Variants in CNBD1 observed in about 807,000 individuals in gnomAD.
The protein encoded by CNBD1 is cyclic nucleotide-binding domain-containing protein 1.
CNBD1 carries 71 observed loss-of-function variants against 54.4 expected under a neutral mutation model. That is an observed-to-expected ratio of 1.30 (90% CI 1.08 to 1.59). The LOEUF is 1.59. Among genes scored for constraint, CNBD1 ranks in the 40% most tolerant of loss-of-function variants. The pLI is 0.00. For synonymous variants in CNBD1, 182 were observed against 170.7 expected (o/e 1.07, Z -0.51); for missense variants, 659 against 518.0 (o/e 1.27, Z -2.64).
chr8:87,253,071 A>C (rs1027268763), intron 6 of CNBD1, among the ~76,000 whole-genome samples: 3 of 152,178 alleles, frequency 2.0e-5, no homozygotes, highest in East Asian at 1.9e-4. Context: ...GAAGAGAAAG[A>C]AAGCAGAGGT....
intron 4 of CNBD1, among the ~76,000 whole-genome samples, chr8:87,205,479 T>C (rs1046016371): frequency 1.3e-5 from 2 of 152,202 alleles, no homozygotes; most frequent in African/African-American, 4.8e-5. Flanking sequence ...CCATGTATTA[T>C]ATGATAATCA....
chr8:87,313,703 TAGAAA>T (rs1485577132), intron 8 of CNBD1, among the ~76,000 whole-genome samples: 1 of 151,712 alleles, frequency 6.6e-6, no homozygotes, highest in Non-Finnish European at 1.5e-5. Flanking sequence ...CTTTACTAGA[TAGAAA>T]AGAAAAAGAA....
chr8:87,327,904 A>T (rs772023082), intron 8 of CNBD1, among the ~76,000 whole-genome samples: 10 of 150,504 alleles, frequency 6.6e-5, no homozygotes, highest in Non-Finnish European at 1.3e-4. Context: ...TTTTGAGTTG[A>T]TTTTTGTGTA....
intron 4 of CNBD1, among the ~76,000 whole-genome samples, chr8:87,010,191 C>G (rs946841493): frequency 6.6e-6 from 1 of 152,128 alleles, no homozygotes; most frequent in Non-Finnish European, 1.5e-5. Flanking sequence ...ATAGGCTTCT[C>G]AAATATTCTT....
chr8:87,378,712 G>C (rs1811004393), intron 10 of CNBD1, among the ~76,000 whole-genome samples: 1 of 151,116 alleles, frequency 6.6e-6, no homozygotes, highest in African/African-American at 2.5e-5. Context: ...TAGCTTGATG[G>C]AGATGGCATT....
chr8:86,959,656 G>A (rs900486749), intron 4 of CNBD1, among the ~76,000 whole-genome samples: 1 of 152,072 alleles, frequency 6.6e-6, no homozygotes, highest in South Asian at 2.1e-4. Context: ...ACTAAAGCTT[G>A]TGCATGCATC....
At chr8:86,980,128 A>G (rs1239487944) in intron 4 of CNBD1, among the ~76,000 whole-genome samples, 1 of 152,222 alleles carries the variant, frequency 6.6e-6, no homozygotes, top group East Asian at 1.9e-4. Flanking sequence ...AGGATTCATA[A>G]CATTTGGAAA....
chr8:87,033,933 T>A (rs1809851299), intron 4 of CNBD1, among the ~76,000 whole-genome samples: 1 of 152,184 alleles, frequency 6.6e-6, no homozygotes, highest in Admixed American at 6.5e-5. Context: ...ATGACTTAGC[T>A]TTTTCTTGAA....
rs573556514 is a variant in CNBD1 at position 87,327,623 on chromosome 8, C to T, written c.1043-24062C>T. On this transcript the variant is annotated intron_variant, in intron 8 of 10. Transcript: ENST00000518476. ...AGAAAGGGAACTCCCTGACCCCTTGCGCTTCCCAGGTGAGGCAGTGCCTCG... is the reference window on the plus strand; with the variant it reads ...AGAAAGGGAACTCCCTGACCCCTTGTGCTTCCCAGGTGAGGCAGTGCCTCG... Among the ~76,000 whole-genome samples the T allele has an allele frequency of 2.8e-3, 428 of 152,314 alleles. 3 individuals are homozygous for T. Among genetic ancestry groups the T allele is most frequent in the African/African-American group, 9.0e-3 (373 of 41,578 alleles).
chr8:86,912,035 T>C (rs986739929), intron 3 of CNBD1, among the ~76,000 whole-genome samples: 1 of 152,092 alleles, frequency 6.6e-6, no homozygotes, highest in African/African-American at 2.4e-5. Flanking sequence ...AAAATGTCAG[T>C]ATTACGCAAA....
chr8:87,124,756 C>A (rs1000218083), intron 4 of CNBD1, among the ~76,000 whole-genome samples: 1 of 151,660 alleles, frequency 6.6e-6, no homozygotes, highest in African/African-American at 2.4e-5. Context: ...TAAGGATGCC[C>A]ACTCTCACCA....
chr8:87,379,556 A>C (rs1208649552), intron 10 of CNBD1, among the ~76,000 whole-genome samples: 1 of 152,022 alleles, frequency 6.6e-6, no homozygotes, highest in Non-Finnish European at 1.5e-5. Context: ...TTTAAAAAAA[A>C]TCCATGAGAA....
chr8:87,283,994 A>G (rs940461672), intron 6 of CNBD1, among the ~76,000 whole-genome samples: 7 of 152,140 alleles, frequency 4.6e-5, no homozygotes, highest in Non-Finnish European at 8.8e-5. Flanking sequence ...TGAAGTAGAA[A>G]AATGGAAGTT....
chr8:87,268,618 T>G (rs969102265), intron 6 of CNBD1, among the ~76,000 whole-genome samples: 2 of 152,146 alleles, frequency 1.3e-5, no homozygotes, highest in Non-Finnish European at 2.9e-5. Flanking sequence ...TTTTTAATAA[T>G]AGCCATTTTG....
chr8:86,899,662 G>A (rs113922434), intron 2 of CNBD1, among the ~76,000 whole-genome samples: 37 of 152,196 alleles, frequency 2.4e-4, no homozygotes, highest in African/African-American at 7.9e-4. Context: ...ATATAAATCT[G>A]ATGTTGTTGC....
intron 4 of CNBD1, among the ~76,000 whole-genome samples, chr8:86,982,918 T>G (rs1808520425): frequency 6.6e-6 from 1 of 152,222 alleles, no homozygotes; most frequent in African/African-American, 2.4e-5. Context: ...ATATTATCTT[T>G]CTCCACTTAT....
At chr8:87,189,478 G>A (rs1206729184) in intron 4 of CNBD1, among the ~76,000 whole-genome samples, 2 of 152,032 alleles carry the variant, frequency 1.3e-5, no homozygotes, top group Admixed American at 1.3e-4. Flanking sequence ...TAGTATTCTG[G>A]TGGGTATACC....
At chr8:87,284,854 G>A (rs1378355849) in intron 7 of CNBD1, 39 bp downstream of exon 7, 15 of 1,389,350 alleles carry the variant, frequency 1.1e-5, no homozygotes, top group South Asian at 2.9e-5. Flanking sequence ...ACAAAAATTG[G>A]GCATAAACTC....
At chr8:87,191,480 C>T (rs1163090331) in intron 4 of CNBD1, among the ~76,000 whole-genome samples, 1 of 152,182 alleles carries the variant, frequency 6.6e-6, no homozygotes, top group East Asian at 1.9e-4. Context: ...AGAAACAATA[C>T]ATTGCCAGCC....
Sources: gnomAD v4.1 joint callset for allele counts (sites outside exome capture counted in the v4.1 genomes callset) on GRCh38, gnomAD v4.1.1 for gene constraint, MANE v1.5 for transcripts, NCBI Gene and HGNC (gene_info 2026-07-23, HGNC 2026-07-21) for gene names.